Variants in PCF11 observed in about 807,000 individuals in gnomAD.
PCF11 encodes pre-mRNA cleavage complex 2 protein Pcf11.
PCF11 carries 19 observed loss-of-function variants against 166.1 expected under a neutral mutation model. That is an observed-to-expected ratio of 0.11 (90% CI 0.08 to 0.17). The LOEUF (loss-of-function observed/expected upper bound fraction) is 0.17, where lower values mean the gene tolerates loss of function less well. PCF11 is among the 10% of genes least tolerant of loss of function. PCF11 has a pLI of 1.00. For missense variants in PCF11, 1,565 were observed against 1,855.5 expected, an observed-to-expected ratio of 0.84 and a Z score of 2.88; for synonymous variants, 663 against 644.1, an observed-to-expected ratio of 1.03 and a Z score of -0.44.
Position 83,184,664 on chromosome 11 carries a change from C to T in PCF11, c.4453-15C>T, listed in dbSNP as rs371949275. ...TGAACTTTCATCAGTACTCATAGGG[C>T]CTTTCATTTTGTAGACATCTTCATT... is the stretch of plus-strand genomic sequence containing the variant. On this transcript the variant is annotated splice_polypyrimidine_tract_variant and intron_variant, in intron 15 of 15. Coordinates refer to ENST00000298281, the Ensembl canonical transcript of PCF11. 80 of 1,569,690 alleles carry T rather than the reference C, an allele frequency of 5.1e-5. No individual in the cohort carries two copies. In the African/African-American group the frequency reaches 9.5e-4, roughly 19 times the overall value.
At chr11:83,160,321 GTTTT>G (rs35201107) in intron 1 of PCF11, among the ~76,000 whole-genome samples, 16 of 91,286 alleles carry the variant, frequency 1.8e-4, no homozygotes, top group Admixed American at 1.3e-4. Flanking sequence ...GATAACCTAA[GTTTT>G]TTTTTTTTTT....
In PCF11 at chr11:83,168,919, G is replaced by A. The variant is rs567053816; in HGVS notation, c.2584G>A (p.Gly862Ser). 1.8e-5 allele frequency: 29 copies of A among 1,613,640 alleles called. No homozygotes were observed. The South Asian group carries it at 3.1e-4, about 17-fold the overall frequency. ...TCTGAGGTTTGAGGGATCTCCAGGT[G>A]GTTTGAGATTTGAGGGACCAGGAGG... is the stretch of plus-strand genomic sequence containing the variant. The change falls in exon 8 of 16, where the codon GGT becomes AGT. Residue 862 changes from glycine to serine, a missense_variant. Physicochemically the swap from Gly to Ser is moderately conservative, Grantham distance 56. Transcript: ENST00000298281.
At chr11:83,179,257 CT>C (rs1276212490) in intron 11 of PCF11, among the ~76,000 whole-genome samples, 16 of 147,186 alleles carry the variant, frequency 1.1e-4, no homozygotes, top group East Asian at 3.9e-4. Context: ...CCTCTTTTTC[CT>C]TTTTTTTTTG....
intron 8 of PCF11, among the ~76,000 whole-genome samples, chr11:83,170,423 A>G (rs1006186593): frequency 1.3e-5 from 2 of 152,204 alleles, no homozygotes; most frequent in African/African-American, 4.8e-5. Flanking sequence ...AAGAAGATCA[A>G]ATTGTGTCCC....
intron 11 of PCF11, among the ~76,000 whole-genome samples, chr11:83,178,898 C>T (rs1860983279): frequency 1.3e-5 from 2 of 151,748 alleles, no homozygotes; most frequent in African/African-American, 2.4e-5. Flanking sequence ...ATCAAGAAAA[C>T]GTACAACTCT....
At chr11:83,168,613 G>T (rs2135427168) in exon 8 of PCF11, 1 of 1,613,810 alleles carries the variant, frequency 6.2e-7, no homozygotes, top group African/African-American at 1.3e-5. Flanking sequence ...TAGGCCATCA[G>T]TAGCAAGAGA....
chr11:83,173,719 C>CTTTTTTTTTTTT lies in PCF11; in HGVS notation c.3757+1822_3757+1833dup, dbSNP rs869126679. On this transcript the variant is annotated intron_variant, in intron 9 of 15. Transcript: ENST00000298281. ...AATTTTCTTGTTTCTTTCTTTCTTT[C>CTTTTTTTTTTTT]TTTTTTTTTTTTTTTTTTTTTTTTT... 3.1e-3 allele frequency among the ~76,000 whole-genome samples: 183 copies of CTTTTTTTTTTTT among 59,062 alleles called. 1 individual carries two copies. The highest frequency in any genetic ancestry group is 4.3e-3 in the Non-Finnish European group (142 of 32,804). 38.7% of individuals were successfully genotyped at this position (59,062 alleles called of 152,430 possible).
exon 15 of PCF11, chr11:83,183,054 G>T: frequency 6.8e-7 from 1 of 1,460,662 alleles, no homozygotes. Flanking sequence ...CATCCATCAT[G>T]TTATGAAGAT....
intron 3 of PCF11, 85 bp from the exon 4 acceptor site, chr11:83,164,122 A>G (rs1860361039): frequency 1.1e-6 from 1 of 887,668 alleles, no homozygotes; most frequent in Non-Finnish European, 1.7e-6. Flanking sequence ...TTTGGATCAT[A>G]TTAAGAGTTA....
chr11:83,183,520 C>G (rs1022392630), intron 15 of PCF11, among the ~76,000 whole-genome samples: 1 of 152,028 alleles, frequency 6.6e-6, no homozygotes, highest in East Asian at 1.9e-4. Context: ...GACAAAGTTT[C>G]GCTCTTGTTG....
intron 9 of PCF11, among the ~76,000 whole-genome samples, chr11:83,173,710 T>C (rs55822727): frequency 0.056 from 8,030 of 143,538 alleles, 822 homozygotes; most frequent in African/African-American, 0.21. Flanking sequence ...CTTGTTTCTT[T>C]CTTTCTTTCT....
chr11:83,177,047 A>C, intron 9 of PCF11, 38 bp from the exon 10 acceptor site: 1 of 1,408,468 alleles, frequency 7.1e-7, no homozygotes, highest in African/African-American at 1.5e-5. Flanking sequence ...CATTCACTTC[A>C]AAAGTGGTTT....
At chr11:83,166,212 G>A (rs1472589094) in exon 5 of PCF11, 1 of 1,613,128 alleles carries the variant, frequency 6.2e-7, no homozygotes, top group Non-Finnish European at 8.5e-7. Flanking sequence ...GAAGTCATCC[G>A]AACACAGACT....
exon 5 of PCF11, chr11:83,166,083 G>A (rs370276004): frequency 6.2e-7 from 1 of 1,610,722 alleles, no homozygotes; most frequent in South Asian, 1.1e-5. Flanking sequence ...GAGGTTGTCT[G>A]ATATGAACAA....
chr11:83,185,803 G>C lies in PCF11; in HGVS notation c.*909G>C, dbSNP rs1466267552. On this transcript the variant is annotated 3_prime_UTR_variant, in exon 16 of 16. Coordinates refer to ENST00000298281, the Ensembl canonical transcript of PCF11. ...ATAGAATGATGAAGAAACTTTGTTTGTACTTCTTTATTTCTTGAAAAGCTT... is the reference window on the plus strand; with the variant it reads ...ATAGAATGATGAAGAAACTTTGTTTCTACTTCTTTATTTCTTGAAAAGCTT... 1.3e-5 allele frequency: 2 copies of C among 152,120 alleles called. No individual in the cohort carries two copies. The highest frequency in any genetic ancestry group is 2.9e-5 in the Non-Finnish European group (2 of 67,998). The allele number at this position is 152,120 out of a possible 1,614,324, so 9.4% of individuals were successfully genotyped here.
chr11:83,171,956 T>G (rs530669323), intron 9 of PCF11, 42 bp downstream of exon 9: 157 of 944,900 alleles, frequency 1.7e-4, no homozygotes, highest in Admixed American at 3.2e-4. Flanking sequence ...GACAAATGAT[T>G]ATTGTTTTGT....
intron 13 of PCF11, 99 bp downstream of exon 13, chr11:83,182,108 T>C (rs1477294007): frequency 1.5e-5 from 15 of 986,590 alleles, no homozygotes; most frequent in Non-Finnish European, 2.1e-5. Flanking sequence ...ATCCCTGTTT[T>C]AATGATTTTA....
intron 9 of PCF11, among the ~76,000 whole-genome samples, chr11:83,172,812 C>A (rs1237195827): frequency 6.6e-6 from 1 of 152,170 alleles, no homozygotes; most frequent in Admixed American, 6.5e-5. Context: ...GTTTCAGAAA[C>A]ATGCTTTACT....
intron 11 of PCF11, among the ~76,000 whole-genome samples, chr11:83,178,734 A>G (rs1368970596): frequency 6.6e-6 from 1 of 151,436 alleles, no homozygotes; most frequent in African/African-American, 2.4e-5. Flanking sequence ...AATGGTGTGA[A>G]CCCGGGAGGC....
Sources: gnomAD v4.1 joint callset for allele counts (sites outside exome capture counted in the v4.1 genomes callset) on GRCh38, gnomAD v4.1.1 for gene constraint, MANE v1.5 for transcripts, NCBI Gene and HGNC (gene_info 2026-07-23, HGNC 2026-07-21) for gene names.